The following LGR4 variants were observed in gnomAD, a reference collection of about 807,000 sequenced individuals.
LGR4 encodes leucine rich repeat containing G protein-coupled receptor 4.
Under a neutral mutation model 84.8 loss-of-function variants are expected in LGR4, and 44 were observed. The ratio of observed to expected loss-of-function variants is 0.52; its 90% CI spans 0.41 to 0.67. LGR4 has a LOEUF of 0.67. Among genes scored for constraint, LGR4 ranks in the 30% least tolerant of loss-of-function variants. The pLI, the probability that LGR4 is intolerant of heterozygous loss-of-function variation, is 0.00. For missense variants in LGR4, 1,032 were observed against 1,131.4 expected (o/e 0.91, Z 1.26); for synonymous variants, 429 against 434.3 (o/e 0.99, Z 0.15).
intron 1 of LGR4, among the ~76,000 whole-genome samples, chr11:27,446,143 T>C (rs1864385588): frequency 6.6e-6 from 1 of 152,142 alleles, no homozygotes. Flanking sequence ...TGATTTTTTC[T>C]TGTAAATTTG....
chr11:27,455,041 G>GTCTT (rs1376773089), intron 1 of LGR4, among the ~76,000 whole-genome samples: 1 of 152,130 alleles, frequency 6.6e-6, no homozygotes, highest in African/African-American at 2.4e-5. Context: ...TTCTCTGTCT[G>GTCTT]TCTTTCTTTC....
intron 2 of LGR4, among the ~76,000 whole-genome samples, chr11:27,410,998 A>C (rs1311676246): frequency 6.6e-6 from 1 of 152,144 alleles, no homozygotes; most frequent in East Asian, 1.9e-4. Flanking sequence ...TTGACTCCAC[A>C]TCCAGGTCTT....
chr11:27,404,538 G>A (rs1282821760), intron 2 of LGR4, among the ~76,000 whole-genome samples: 1 of 152,118 alleles, frequency 6.6e-6, no homozygotes, highest in African/African-American at 2.4e-5. Flanking sequence ...GAATAACTAT[G>A]GTTTCTTTCT....
chr11:27,445,846 C>A (rs1156831898), intron 1 of LGR4, among the ~76,000 whole-genome samples: 1 of 151,378 alleles, frequency 6.6e-6, no homozygotes, highest in Non-Finnish European at 1.5e-5. Flanking sequence ...CACTGTACTA[C>A]AGGCTGGGCA....
intron 1 of LGR4, among the ~76,000 whole-genome samples, chr11:27,449,561 G>A (rs944099031): frequency 3.3e-5 from 5 of 151,254 alleles, no homozygotes; most frequent in Admixed American, 1.3e-4. Context: ...CAGCCTGGGC[G>A]ACAAAGTGAG....
At chr11:27,371,591 T>A in intron 17 of LGR4, 24 bp downstream of exon 17, 1 of 1,522,896 alleles carries the variant, frequency 6.6e-7, no homozygotes, top group Non-Finnish European at 9.1e-7. Context: ...CATGGGTAAC[T>A]GTGAAAAAAT....
chr11:27,401,706 A>C (rs115986730), intron 2 of LGR4, among the ~76,000 whole-genome samples: 1,993 of 152,306 alleles, frequency 0.013, 45 homozygotes, highest in African/African-American at 0.046. Flanking sequence ...TAGACTGATA[A>C]GGTTTCTTAC....
intron 1 of LGR4, among the ~76,000 whole-genome samples, chr11:27,419,421 T>A (rs1590378812): frequency 6.6e-6 from 1 of 151,690 alleles, no homozygotes; most frequent in African/African-American, 2.4e-5. Flanking sequence ...TACCAAGTAC[T>A]GATAAAGATG....
At position 27,378,031 on chromosome 11, in the gene LGR4, C is replaced by A. The variant is rs1275419804; in HGVS notation, c.1043+666G>T. On this transcript the variant is annotated intron_variant, in intron 11 of 17. Coordinates refer to ENST00000379214, the MANE Select transcript of LGR4 (RefSeq NM_018490.5). ...GGAGTAACAGATTATATCATATAGCCCAGGTGTGTAGAAGAAACCACCGAG... is the reference window on the plus strand; with the variant it reads ...GGAGTAACAGATTATATCATATAGCACAGGTGTGTAGAAGAAACCACCGAG... Among the ~76,000 whole-genome samples, 19 of 151,908 alleles carry A rather than the reference C, an allele frequency of 1.3e-4. 1 individual carries two copies. Among genetic ancestry groups the A allele is most frequent in the Non-Finnish European group, 2.8e-4 (19 of 67,960 alleles).
At chr11:27,429,021 G>A (rs1420086983) in intron 1 of LGR4, among the ~76,000 whole-genome samples, 3 of 152,204 alleles carry the variant, frequency 2.0e-5, no homozygotes, top group African/African-American at 7.2e-5. Context: ...GCAGGGAGTT[G>A]TAACTTCAAG....
At chr11:27,383,488 T>C (rs752272543) in intron 6 of LGR4, among the ~76,000 whole-genome samples, 5 of 152,214 alleles carry the variant, frequency 3.3e-5, no homozygotes, top group Non-Finnish European at 7.4e-5. Context: ...CTCTACAAGA[T>C]TTTCAACTTT....
intron 1 of LGR4, among the ~76,000 whole-genome samples, chr11:27,453,355 C>A (rs1864518869): frequency 6.6e-6 from 1 of 152,212 alleles, no homozygotes; most frequent in Non-Finnish European, 1.5e-5. Flanking sequence ...GCGTGAGCCA[C>A]CACGCCCGGC....
In LGR4 at chr11:27,450,501, C is replaced by T. The variant is rs934473324; in HGVS notation, c.185+21617G>A. On this transcript the variant is annotated intron_variant, in intron 1 of 17. Coordinates refer to ENST00000379214, the MANE Select transcript of LGR4 (RefSeq NM_018490.5). Reference sequence around the variant, plus strand: ...AAAATACTCAACACAGAAAATTGTGCTCTCAGGCCAGGCACGGTGGCTCAC... The same window carrying T: ...AAAATACTCAACACAGAAAATTGTGTTCTCAGGCCAGGCACGGTGGCTCAC... Among the ~76,000 whole-genome samples, 6 of 152,248 alleles carry T rather than the reference C, an allele frequency of 3.9e-5. No individual in the cohort carries two copies. The East Asian group carries it at 1.2e-3, about 29-fold the overall frequency.
At chr11:27,448,520 G>A (rs1395619245) in intron 1 of LGR4, among the ~76,000 whole-genome samples, 5 of 152,030 alleles carry the variant, frequency 3.3e-5, no homozygotes, top group Non-Finnish European at 5.9e-5. Context: ...TCGAACTCCC[G>A]ACCTCAGGTG....
chr11:27,396,953 G>A (rs1863402468), intron 2 of LGR4, among the ~76,000 whole-genome samples: 1 of 152,096 alleles, frequency 6.6e-6, no homozygotes, highest in Admixed American at 6.5e-5. Flanking sequence ...CTCTCTGCAA[G>A]GTTTCAACCC....
At chr11:27,444,845 A>C (rs988767591) in intron 1 of LGR4, among the ~76,000 whole-genome samples, 5 of 152,088 alleles carry the variant, frequency 3.3e-5, no homozygotes, top group African/African-American at 9.7e-5. Context: ...TCCCCCTCTC[A>C]CAAGTATCCT....
intron 1 of LGR4, among the ~76,000 whole-genome samples, chr11:27,453,404 A>T (rs556481845): frequency 6.6e-6 from 1 of 152,188 alleles, no homozygotes; most frequent in African/African-American, 2.4e-5. Context: ...CCATTGCTTA[A>T]GATGGATTCA....
At position 27,369,145 on chromosome 11, in the gene LGR4, TA is replaced by T. The variant is rs746797439; in HGVS notation, c.1580-3del. Reference sequence around the variant, plus strand: ...AATATTCACAGGGCTTAAAAGCACCTAAAAAAAACACACACAGAGAGAGAGA... The same window carrying T: ...AATATTCACAGGGCTTAAAAGCACCTAAAAAAACACACACAGAGAGAGAGA... On this transcript the variant is annotated splice_polypyrimidine_tract_variant and splice_region_variant and intron_variant, in intron 17 of 17. Transcript: ENST00000379214. The T allele has an allele frequency of 2.7e-5, 42 of 1,569,262 alleles. No individual in the cohort carries two copies. Among genetic ancestry groups the T allele is most frequent in the Admixed American group, 7.6e-5 (4 of 52,482 alleles).
Position 27,367,901 on chromosome 11 carries a change from C to T in LGR4, c.2822G>A (p.Arg941His), listed in dbSNP as rs202048946. The change falls in exon 18 of 18, where the codon CGC becomes CAC. Residue 941 changes from arginine (R) to histidine (H), a missense_variant. Transcript: ENST00000379214. ...FYQSRGFPLV[R>H]YAYNLPRVKD is the part of the protein sequence containing the mutation. ...AACTCTTGGTAGATTGTAAGCATAG[C>T]GCACCAAAGGGAATCCTCTACTCTG... 4.0e-5 allele frequency: 64 copies of T among 1,602,236 alleles called. No homozygotes were observed. The highest frequency in any genetic ancestry group is 4.8e-5 in the Non-Finnish European group (57 of 1,176,878).
Sources: gnomAD v4.1 joint callset for allele counts (sites outside exome capture counted in the v4.1 genomes callset) on GRCh38, gnomAD v4.1.1 for gene constraint, MANE v1.5 for transcripts, NCBI Gene and HGNC (gene_info 2026-07-23, HGNC 2026-07-21) for gene names.